ADAMTS17: variants seen among roughly 807,000 people sequenced by gnomAD.
ADAMTS17 encodes the protein ADAM metallopeptidase with thrombospondin type 1 motif 17, also known as A disintegrin and metalloproteinase with thrombospondin motifs 17.
A neutral mutation model predicts 141.5 loss-of-function variants in ADAMTS17; 113 were observed. The observed-to-expected ratio is 0.80, with a 90% CI of 0.69 to 0.93. The LOEUF is 0.93. ADAMTS17 is among the 40% of genes least tolerant of loss of function. The pLI is 0.00. For synonymous variants in ADAMTS17, 768 were observed against 630.6 expected (o/e 1.22, Z -3.27); for missense variants, 1,659 against 1,517.9 (o/e 1.09, Z -1.54).
At chr15:100,283,205 C>T (rs2044340575) in intron 3 of ADAMTS17, among the ~76,000 whole-genome samples, 1 of 152,218 alleles carries the variant, frequency 6.6e-6, no homozygotes, top group Non-Finnish European at 1.5e-5. Flanking sequence ...GATGGGCCTC[C>T]TCCCTCAGAG....
intron 9 of ADAMTS17, among the ~76,000 whole-genome samples, chr15:100,153,970 C>G (rs1485841657): frequency 1.3e-5 from 2 of 152,212 alleles, no homozygotes; most frequent in African/African-American, 4.8e-5. Flanking sequence ...CACCTCGGAT[C>G]AGGAGTTCGA....
At chr15:100,055,224 T>A (rs1472862895) in intron 15 of ADAMTS17, among the ~76,000 whole-genome samples, 1 of 152,152 alleles carries the variant, frequency 6.6e-6, no homozygotes, top group African/African-American at 2.4e-5. Flanking sequence ...ATCAATGAAA[T>A]CAGATTCTAC....
chr15:100,225,724 TG>T (rs1567387252), intron 7 of ADAMTS17, among the ~76,000 whole-genome samples: 1 of 138,274 alleles, frequency 7.2e-6, no homozygotes, highest in Non-Finnish European at 1.5e-5. Context: ...AGAGCAGTCA[TG>T]GTCTCTGTGC....
intron 14 of ADAMTS17, among the ~76,000 whole-genome samples, chr15:100,098,616 T>C (rs1442240999): frequency 6.6e-6 from 1 of 151,604 alleles, no homozygotes; most frequent in Non-Finnish European, 1.5e-5. Context: ...TGAGCTGAGA[T>C]TGCGCCACTG....
chr15:100,227,829 G>A lies in ADAMTS17; in HGVS notation c.1075+26307C>T, dbSNP rs925483901. Among the ~76,000 whole-genome samples, 7 of 152,340 alleles carry A rather than the reference G, an allele frequency of 4.6e-5. No individual in the cohort carries two copies. In the East Asian group the frequency reaches 1.2e-3, roughly 25 times the overall value. ...TCGTGACCGGCTTCATCACCTGAGG[G>A]TGGGCACACAGCCCAGCAATGTATA... On this transcript the variant is annotated intron_variant, in intron 7 of 21. Transcript: ENST00000268070.
chr15:100,095,143 C>T (rs2035683467), intron 15 of ADAMTS17, among the ~76,000 whole-genome samples: 1 of 152,206 alleles, frequency 6.6e-6, no homozygotes, highest in Non-Finnish European at 1.5e-5. Context: ...TCCCCCAAAC[C>T]AACCTGCTCC....
At chr15:100,085,114 C>A (rs1297317446) in intron 15 of ADAMTS17, among the ~76,000 whole-genome samples, 1 of 152,128 alleles carries the variant, frequency 6.6e-6, no homozygotes, top group East Asian at 1.9e-4. Context: ...AGATGAATGG[C>A]TAACTAGAAT....
intron 7 of ADAMTS17, among the ~76,000 whole-genome samples, chr15:100,219,910 AAAT>A (rs1244085648): frequency 1.3e-5 from 2 of 152,156 alleles, no homozygotes; most frequent in African/African-American, 4.8e-5. Flanking sequence ...ACAAGTTTTA[AAAT>A]AATATGTGCC....
At position 100,170,726 on chromosome 15, in the gene ADAMTS17, T is replaced by C. The variant is rs180684276; in HGVS notation, c.1182-15406A>G. 1.7e-4 allele frequency among the ~76,000 whole-genome samples: 26 copies of C among 152,336 alleles called. No individual in the cohort carries two copies. The East Asian group carries it at 4.6e-3, about 27-fold the overall frequency. ...ACAGCAAGTACTTTTGTTTCCCTTT[T>C]AAACTGCTTATATCCCTGCACTAGA... is the stretch of plus-strand genomic sequence containing the variant. On this transcript the variant is annotated intron_variant, in intron 8 of 21. Coordinates refer to ENST00000268070, the MANE Select transcript of ADAMTS17 (RefSeq NM_139057.4).
In ADAMTS17 at chr15:100,341,150, G is replaced by C. The variant is rs756363690; in HGVS notation, c.339C>G (p.Gly113=). Reference sequence around the variant, plus strand: ...CGGGGCGGCCGCGGCGCCGGGCCGCGCCCGCCTCCTCCACCTCGAAGCCTC... The same window carrying C: ...CGGGGCGGCCGCGGCGCCGGGCCGCCCCCGCCTCCTCCACCTCGAAGCCTC... The part of the protein sequence containing the change: ...LSRGFEVEEA[G]AARRRGRPAE... Residue 113 remains glycine, a synonymous_variant, in exon 2 of 22, where the codon GGC becomes GGG. Coordinates refer to ENST00000268070, the MANE Select transcript of ADAMTS17 (RefSeq NM_139057.4). The C allele has an allele frequency of 3.5e-6, 5 of 1,449,252 alleles. No homozygotes were observed. Among genetic ancestry groups the C allele is most frequent in the Non-Finnish European group, 3.6e-6 (4 of 1,107,234 alleles). The allele number at this position is 1,449,252 out of a possible 1,614,324, so 89.8% of individuals were successfully genotyped here. A position where few individuals can be genotyped will look rare whatever the true frequency, so the allele number is the denominator to read the frequency against.
intron 7 of ADAMTS17, among the ~76,000 whole-genome samples, chr15:100,209,091 A>G (rs2041691622): frequency 6.9e-6 from 1 of 144,360 alleles, no homozygotes; most frequent in Non-Finnish European, 1.5e-5. Context: ...AAGGCCATGC[A>G]TGGAAATATT....
At chr15:100,065,062 C>T (rs1193778880) in intron 15 of ADAMTS17, among the ~76,000 whole-genome samples, 2 of 152,080 alleles carry the variant, frequency 1.3e-5, no homozygotes, top group East Asian at 3.9e-4. Flanking sequence ...TTTATTCATT[C>T]ATTTTCTCAC....
At chr15:99,983,036 AAG>A (rs1173706135) in intron 20 of ADAMTS17, among the ~76,000 whole-genome samples, 1 of 152,194 alleles carries the variant, frequency 6.6e-6, no homozygotes, top group Non-Finnish European at 1.5e-5. Flanking sequence ...TACTGTGTAA[AAG>A]AGATTTTCCT....
intron 18 of ADAMTS17, among the ~76,000 whole-genome samples, chr15:100,028,135 G>A (rs2029863666): frequency 6.6e-6 from 1 of 152,168 alleles, no homozygotes; most frequent in African/African-American, 2.4e-5. Context: ...AATATCATGG[G>A]AAGCTTACTA....
chr15:100,020,927 T>C (rs2061395538), intron 18 of ADAMTS17, among the ~76,000 whole-genome samples: 1 of 152,204 alleles, frequency 6.6e-6, no homozygotes, highest in Admixed American at 6.5e-5. Context: ...TTTCTCCTGC[T>C]TCCTCCTGGG....
intron 18 of ADAMTS17, among the ~76,000 whole-genome samples, chr15:100,009,236 G>A (rs143091541): frequency 1.4e-3 from 213 of 152,308 alleles, no homozygotes; most frequent in Non-Finnish European, 1.7e-3. Flanking sequence ...TACAGAGGGA[G>A]AAAACAACTT....
chr15:100,167,155 A>C (rs2039981687), intron 8 of ADAMTS17, among the ~76,000 whole-genome samples: 1 of 152,216 alleles, frequency 6.6e-6, no homozygotes, highest in African/African-American at 2.4e-5. Flanking sequence ...CCCAGACCAC[A>C]CAAGCCTAAG....
chr15:100,242,874 G>A (rs71405370), intron 7 of ADAMTS17, among the ~76,000 whole-genome samples: 12,795 of 152,178 alleles, frequency 0.084, 666 homozygotes, highest in East Asian at 0.14. Context: ...GTACGGTTCC[G>A]TGGCATTAAG....
chr15:100,094,649 C>T (rs542708816), intron 15 of ADAMTS17, among the ~76,000 whole-genome samples: 2 of 152,314 alleles, frequency 1.3e-5, no homozygotes, highest in African/African-American at 4.8e-5. Flanking sequence ...CAGAATCACG[C>T]ACTTGTAGTC....
Sources: allele counts gnomAD v4.1 joint callset (sites outside exome capture counted in the v4.1 genomes callset), GRCh38; gene constraint gnomAD v4.1.1; transcripts MANE v1.5; gene names NCBI Gene and HGNC (gene_info 2026-07-23, HGNC 2026-07-21).